The following CD101 variants were observed in gnomAD, a reference collection of about 807,000 sequenced individuals.
The protein encoded by CD101 is CD101 molecule.
In CD101, 76 loss-of-function variants were observed where a neutral mutation model predicts 98.2. That is an observed-to-expected ratio of 0.77 (90% CI 0.64 to 0.94). The LOEUF (loss-of-function observed/expected upper bound fraction) is 0.94. Ranked by LOEUF, CD101 falls within the 40% of genes least tolerant of loss-of-function variation. The probability of loss-of-function intolerance (pLI) is 0.00; values close to 1 mark genes in which losing one functional copy is unlikely to be tolerated. For synonymous variants in CD101, 471 were observed against 472.7 expected, an observed-to-expected ratio of 1.00 and a Z score of 0.05; for missense variants, 1,145 against 1,218.8, an observed-to-expected ratio of 0.94 and a Z score of 0.90.
intron 8 of CD101, among the ~76,000 whole-genome samples, chr1:117,029,183 GAAAGAAAGAAA>G (rs1557778694): frequency 0.016 from 1,542 of 96,354 alleles, 107 homozygotes; most frequent in African/African-American, 0.042. Context: ...AAGAAAGAAA[GAAAGAAAGAAA>G]GAAAGAAAGA....
Position 117,022,062 on chromosome 1 carries a change from A to T in CD101, c.2428+79A>T. On this transcript the variant is annotated intron_variant, in intron 7 of 9. Transcript: ENST00000682167. This position sits in a 1 kb window ranked among gnomAD's most constrained non-coding sequence, Gnocchi z 4.8. ...TCTTGGGCAGCTGTTCTATGGAGTG[A>T]TTATGTGGAAGTAAAAATATGACCT... 2 of 1,452,872 alleles carry T rather than the reference A, an allele frequency of 1.4e-6. No homozygotes were observed. Among genetic ancestry groups the T allele is most frequent in the Non-Finnish European group, 1.9e-6 (2 of 1,074,606 alleles). 90.0% of individuals were successfully genotyped at this position (1,452,872 alleles called of 1,614,324 possible).
intron 8 of CD101, among the ~76,000 whole-genome samples, chr1:117,031,348 G>A (rs911491349): frequency 1.3e-5 from 2 of 152,020 alleles, no homozygotes; most frequent in Non-Finnish European, 2.9e-5. Context: ...GCCCCATCTC[G>A]CCATCATTAC....
chr1:117,029,071 G>A (rs1169460946), intron 8 of CD101, among the ~76,000 whole-genome samples: 1 of 149,626 alleles, frequency 6.7e-6, no homozygotes, highest in Admixed American at 6.7e-5. Flanking sequence ...GAGAGAGAAA[G>A]GAAGGAAGGA....
rs750722751 is a variant in CD101 at position 117,017,446 on chromosome 1, A to C, written c.1585A>C (p.Lys529Gln). Residue 529 changes from lysine (K) to glutamine (Q), a missense_variant, in exon 5 of 10, where the codon AAG becomes CAG. Physicochemically the swap from Lys to Gln is moderately conservative, Grantham distance 53. Transcript: ENST00000682167. ...GGCCAGAGATCTGAGCTGGACTCAG[A>C]AGATTTCAGTTACTGTAAAGTCTCT... ...NQARDLSWTQ[K>Q]ISVTVKSLES... 1.2e-6 allele frequency: 2 copies of C among 1,612,544 alleles called. No individual in the cohort carries two copies. The highest frequency in any genetic ancestry group is 1.1e-5 in the South Asian group (1 of 91,030).
intron 8 of CD101, among the ~76,000 whole-genome samples, chr1:117,030,991 C>T (rs1654426895): frequency 6.6e-6 from 1 of 152,224 alleles, no homozygotes; most frequent in Admixed American, 6.5e-5. Flanking sequence ...AGACCTTGTA[C>T]TTTGAGCATT....
chr1:117,008,618 T>C (rs1380610634), intron 1 of CD101, among the ~76,000 whole-genome samples: 1 of 152,212 alleles, frequency 6.6e-6, no homozygotes, highest in Non-Finnish European at 1.5e-5. Context: ...CTTTTGCCCT[T>C]TTTTGTAGTT....
intron 8 of CD101, among the ~76,000 whole-genome samples, chr1:117,031,277 C>T (rs1179331765): frequency 6.6e-6 from 1 of 152,222 alleles, no homozygotes; most frequent in African/African-American, 2.4e-5. Flanking sequence ...GCCAAGCCCT[C>T]TGGCTGTTCC....
rs777986162 is a variant in CD101, at chr1:117,021,919, T to C, written c.2364T>C (p.Asn788=). Reference sequence around the variant, plus strand: ...TGGAGGAATGGCTCCTGTCTACAAATGGCACTTGGCACAAGCTTGGAGAAA... The same window carrying C: ...TGGAGGAATGGCTCCTGTCTACAAACGGCACTTGGCACAAGCTTGGAGAAA... The part of the protein sequence containing the change: ...CAVEEWLLST[N]GTWHKLGEKK... Residue 788 remains asparagine, a synonymous_variant, in exon 7 of 10, where the codon AAT becomes AAC. Coordinates refer to ENST00000682167, the MANE Select transcript of CD101 (RefSeq NM_001256106.3). The surrounding 1 kb of genome is among the most constrained non-coding windows in gnomAD (Gnocchi z 4.7). 3.7e-6 allele frequency: 6 copies of C among 1,613,890 alleles called. No individual in the cohort carries two copies. In the Admixed American group the frequency reaches 1.0e-4, roughly 27 times the overall value.
rs1557762944 is a variant in CD101 at position 117,005,058 on chromosome 1, A to G, written c.43+3198A>G. 6.6e-6 allele frequency among the ~76,000 whole-genome samples: 1 copy of G among 152,080 alleles called. No homozygotes were observed. The highest frequency in any genetic ancestry group is 1.5e-5 in the Non-Finnish European group (1 of 68,010). On this transcript the variant is annotated intron_variant, in intron 1 of 9. Coordinates refer to ENST00000682167, the MANE Select transcript of CD101 (RefSeq NM_001256106.3). This position sits in a 1 kb window ranked among gnomAD's most constrained non-coding sequence, Gnocchi z 4.4. ...TTTTACAAGGGCATTAATCCCATTC[A>G]TGAGAGCACAGCCCTCATGACCTAA...
intron 2 of CD101, 48 bp from the exon 3 acceptor site, chr1:117,011,502 T>A (rs745305835): frequency 6.5e-7 from 1 of 1,545,192 alleles, no homozygotes; most frequent in Non-Finnish European, 8.8e-7. Flanking sequence ...GGAGGCCCAC[T>A]GGACAAGCAC....
In CD101 at chr1:117,012,872, GT is replaced by G. The variant is rs907288940; in HGVS notation, c.842-528del. Among the ~76,000 whole-genome samples the G allele has an allele frequency of 6.6e-6, 1 of 152,112 alleles. No individual in the cohort carries two copies. Among genetic ancestry groups the G allele is most frequent in the Admixed American group, 6.6e-5 (1 of 15,266 alleles). ...AATGATCCAATAGTGGATCATTAAA[GT>G]TTTTTCTTTATTAAAAACAGTATTA... is the stretch of plus-strand genomic sequence containing the variant. On this transcript the variant is annotated intron_variant, in intron 3 of 9. Coordinates refer to ENST00000682167, the MANE Select transcript of CD101 (RefSeq NM_001256106.3). This position sits in a 1 kb window ranked among gnomAD's most constrained non-coding sequence, Gnocchi z 4.0.
rs201768380 is a variant in CD101, at chr1:117,025,739, T to C, written c.2659T>C (p.Ser887Pro). The change falls in exon 8 of 10, where the codon TCA becomes CCA. Residue 887 changes from serine (S) to proline (P), a missense_variant. Transcript: ENST00000682167. The part of the protein sequence containing the change: ...GLRRHLHCYR[S>P]SSTDFVLKLH... ...CAGGAGGCACCTGCACTGTTACCGT[T>C]CATCCTCTACAGACTTTGTCCTGAA... 1.6e-5 allele frequency: 26 copies of C among 1,614,174 alleles called. No homozygotes were observed. The East Asian group carries it at 5.3e-4, about 33-fold the overall frequency.
At chr1:117,008,603 C>G (rs577718855) in intron 1 of CD101, among the ~76,000 whole-genome samples, 1 of 152,328 alleles carries the variant, frequency 6.6e-6, no homozygotes, top group East Asian at 1.9e-4. Context: ...CTTACCTTTT[C>G]TGTGCTTTTG....
In CD101 at chr1:117,021,509, A is replaced by T. The variant is rs759738850; in HGVS notation, c.2018-64A>T. The T allele has an allele frequency of 1.2e-4, 174 of 1,395,406 alleles. No homozygotes were observed. Among genetic ancestry groups the T allele is most frequent in the Non-Finnish European group, 1.6e-4 (170 of 1,043,904 alleles). 86.4% of individuals were successfully genotyped at this position (1,395,406 alleles called of 1,614,324 possible). A position where few individuals can be genotyped will look rare whatever the true frequency, so the allele number is the denominator to read the frequency against. ...GATGCAGTGTCATACTTGACCTCTA[A>T]TGTCTCTACTACCTTAACTTTCTAT... On this transcript the variant is annotated intron_variant, in intron 6 of 9. Coordinates refer to ENST00000682167, the MANE Select transcript of CD101 (RefSeq NM_001256106.3). The surrounding 1 kb of genome is among the most constrained non-coding windows in gnomAD (Gnocchi z 4.7).
In CD101 at chr1:117,034,936, G is replaced by C. The variant is rs187715603; in HGVS notation, c.*33+802G>C. On this transcript the variant is annotated intron_variant, in intron 9 of 9. Transcript: ENST00000682167. ...GCCAGTGCCTTATTTTCTTTGACCT[G>C]ACAGCACTGGGTGGTAGGGAAGGTA... Among the ~76,000 whole-genome samples, 282 of 152,276 alleles carry C rather than the reference G, an allele frequency of 1.9e-3. 2 individuals carry two copies. Among genetic ancestry groups the C allele is most frequent in the Middle Eastern group, 6.8e-3 (2 of 294 alleles).
intron 9 of CD101, among the ~76,000 whole-genome samples, chr1:117,034,662 A>G (rs545408360): frequency 6.6e-6 from 1 of 152,362 alleles, no homozygotes; most frequent in South Asian, 2.1e-4. Context: ...AGGCCCACTC[A>G]AGAGCAAGTT....
rs1453714406 is a variant in CD101, at chr1:117,010,035, G to A, written c.229G>A (p.Asp77Asn). 1 of 1,614,224 alleles carries A rather than the reference G, an allele frequency of 6.2e-7. No individual in the cohort carries two copies. Among genetic ancestry groups the A allele is most frequent in the Admixed American group, 1.7e-5 (1 of 60,024 alleles). Residue 77 changes from aspartate to asparagine, a missense_variant, in exon 2 of 10, where the codon GAT becomes AAT. Physicochemically the swap from Asp to Asn is conservative, Grantham distance 23 (BLOSUM62 1). Transcript: ENST00000682167. This position sits in a 1 kb window ranked among gnomAD's most constrained non-coding sequence, Gnocchi z 5.2. ...TQEVQIISTK[D>N]AAFSYAVYTQ... is the part of the protein sequence containing the mutation. ...GGAAGTCCAGATCATTAGCACCAAG[G>A]ATGCTGCCTTCTCTTACGCAGTATA...
chr1:117,017,569 T>C (rs1653316124), intron 5 of CD101, 96 bp downstream of exon 5: 2 of 1,260,624 alleles, frequency 1.6e-6, no homozygotes, highest in Admixed American at 2.1e-5. Context: ...CCCCCAGTGA[T>C]GGTATGTGTA....
chr1:117,025,769 C>T lies in CD101; in HGVS notation c.2689C>T (p.His897Tyr). 6.2e-7 allele frequency: 1 copy of T among 1,614,214 alleles called. No homozygotes were observed. Among genetic ancestry groups the T allele is most frequent in the South Asian group, 1.1e-5 (1 of 91,090 alleles). Residue 897 changes from histidine (H) to tyrosine (Y), a missense_variant, in exon 8 of 10, where the codon CAT (histidine) becomes TAT (tyrosine). By Grantham distance (83) the His-to-Tyr change is moderately conservative. Coordinates refer to ENST00000682167, the MANE Select transcript of CD101 (RefSeq NM_001256106.3). Reference sequence around the variant, plus strand: ...CTCTACAGACTTTGTCCTGAAGCTTCATCAGGTGGAGATGGAGGATGCAGG... The same window carrying T: ...CTCTACAGACTTTGTCCTGAAGCTTTATCAGGTGGAGATGGAGGATGCAGG... ...SSSTDFVLKLHQVEMEDAGMY... is the reference protein window; with the variant it reads ...SSSTDFVLKLYQVEMEDAGMY...
Sources: gnomAD v4.1 joint callset for allele counts (sites outside exome capture counted in the v4.1 genomes callset) on GRCh38, gnomAD v4.1.1 for gene constraint, Gnocchi (gnomAD v3.1) non-coding constraint, MANE v1.5 for transcripts, NCBI Gene and HGNC (gene_info 2026-07-23, HGNC 2026-07-21) for gene names.